The following SCAPER variants were observed in gnomAD, a reference collection of about 807,000 sequenced individuals.
The protein encoded by SCAPER is S phase cyclin A-associated protein in the endoplasmic reticulum.
Under a neutral mutation model 182.2 loss-of-function variants are expected in SCAPER, and 98 were observed. The ratio of observed to expected loss-of-function variants is 0.54; its 90% CI spans 0.46 to 0.64. SCAPER has a LOEUF of 0.64. SCAPER is among the 30% of genes least tolerant of loss of function. The probability of loss-of-function intolerance (pLI) is 0.00; values close to 1 mark genes in which losing one functional copy is unlikely to be tolerated. For missense variants in SCAPER, 1,432 were observed against 1,690.0 expected (o/e 0.85, Z 2.68); for synonymous variants, 605 against 564.6 (o/e 1.07, Z -1.01).
intron 27 of SCAPER, among the ~76,000 whole-genome samples, chr15:76,384,215 C>G (rs146497111): frequency 7.2e-5 from 11 of 152,212 alleles, no homozygotes; most frequent in Non-Finnish European, 4.4e-5. Flanking sequence ...GTTTTCAGAA[C>G]CTTGAGGATG....
intron 25 of SCAPER, among the ~76,000 whole-genome samples, chr15:76,445,805 T>G (rs185914720): frequency 1.3e-5 from 2 of 152,252 alleles, no homozygotes; most frequent in South Asian, 4.1e-4. Context: ...ACAGTCTCCA[T>G]GCACCCCGGG....
chr15:76,718,882 T>C (rs1297079535), intron 17 of SCAPER, among the ~76,000 whole-genome samples: 1 of 152,088 alleles, frequency 6.6e-6, no homozygotes, highest in Admixed American at 6.6e-5. Context: ...AGATGACTAT[T>C]ATCAAAAGGT....
At chr15:76,772,401 A>G (rs2063522783) in intron 9 of SCAPER, among the ~76,000 whole-genome samples, 1 of 151,962 alleles carries the variant, frequency 6.6e-6, no homozygotes, top group Non-Finnish European at 1.5e-5. Context: ...AAATCCTGAA[A>G]CCAATTTTTA....
chr15:76,629,192 T>C (rs1205687523), intron 21 of SCAPER, among the ~76,000 whole-genome samples: 4 of 152,254 alleles, frequency 2.6e-5, no homozygotes, highest in African/African-American at 7.2e-5. Flanking sequence ...TATAGGATCA[T>C]GTCATCTGCG....
intron 22 of SCAPER, among the ~76,000 whole-genome samples, chr15:76,619,907 C>T (rs921668498): frequency 6.6e-5 from 10 of 151,974 alleles, no homozygotes; most frequent in African/African-American, 2.2e-4. Flanking sequence ...GTAAAATTGT[C>T]TCTACTAAAA....
intron 10 of SCAPER, among the ~76,000 whole-genome samples, chr15:76,770,245 C>T (rs907814283): frequency 2.0e-5 from 3 of 151,490 alleles, no homozygotes; most frequent in Non-Finnish European, 4.4e-5. Flanking sequence ...AGGAAAAATA[C>T]CTAAAGTAAA....
intron 3 of SCAPER, among the ~76,000 whole-genome samples, chr15:76,860,047 C>T (rs2071749352): frequency 6.6e-6 from 1 of 152,126 alleles, no homozygotes; most frequent in Admixed American, 6.5e-5. Flanking sequence ...ACAATAGTCA[C>T]AAATGAAGCT....
intron 8 of SCAPER, among the ~76,000 whole-genome samples, chr15:76,783,787 G>T (rs906640859): frequency 1.3e-5 from 2 of 151,400 alleles, no homozygotes; most frequent in African/African-American, 4.8e-5. Flanking sequence ...GACAAAAACC[G>T]CAATTATCTC....
chr15:76,520,983 T>C (rs933001338), intron 23 of SCAPER, among the ~76,000 whole-genome samples: 3 of 152,156 alleles, frequency 2.0e-5, no homozygotes, highest in African/African-American at 7.2e-5. Flanking sequence ...ACAGATATAA[T>C]GAACTAAAAA....
chr15:76,428,226 C>CTG (rs2046579370), intron 26 of SCAPER, among the ~76,000 whole-genome samples: 1 of 152,154 alleles, frequency 6.6e-6, no homozygotes, highest in Non-Finnish European at 1.5e-5. Flanking sequence ...AATAGAACTA[C>CTG]TGTATGATCC....
intron 25 of SCAPER, among the ~76,000 whole-genome samples, chr15:76,468,523 T>C (rs538094468): frequency 2.6e-5 from 4 of 152,202 alleles, no homozygotes; most frequent in African/African-American, 9.6e-5. Flanking sequence ...AACTAGGCTT[T>C]CAAAGAAGAA....
In SCAPER at chr15:76,787,849, A is replaced by G. The variant is rs570822262; in HGVS notation, c.772+7431T>C. ...TGACAAAAGTATGATCTATTAAAAA[A>G]AAACTAATCAATCATACTTCATCAA... On this transcript the variant is annotated intron_variant, in intron 8 of 31. Coordinates refer to ENST00000563290, the MANE Select transcript of SCAPER (RefSeq NM_020843.4). Among the ~76,000 whole-genome samples, 3 of 152,374 alleles carry G rather than the reference A, an allele frequency of 2.0e-5. No individual in the cohort carries two copies. The East Asian group carries it at 5.8e-4, about 29-fold the overall frequency.
chr15:76,879,554 A>G lies in SCAPER; in HGVS notation c.6+4258T>C, dbSNP rs535262530. 4.6e-5 allele frequency among the ~76,000 whole-genome samples: 7 copies of G among 152,322 alleles called. 1 individual carries two copies. Among genetic ancestry groups the G allele is most frequent in the African/African-American group, 1.7e-4 (7 of 41,566 alleles). Reference sequence around the variant, plus strand: ...CTACTGCTAAGCATCTAGGGATCATAAAGACAGCAAGCCTTAAAATAATGG... The same window carrying G: ...CTACTGCTAAGCATCTAGGGATCATGAAGACAGCAAGCCTTAAAATAATGG... On this transcript the variant is annotated intron_variant, in intron 2 of 31. Transcript: ENST00000563290.
intron 2 of SCAPER, among the ~76,000 whole-genome samples, chr15:76,866,182 T>A (rs1238925086): frequency 6.6e-6 from 1 of 152,144 alleles, no homozygotes; most frequent in African/African-American, 2.4e-5. Flanking sequence ...TTTTCAGCTC[T>A]ACTTCAGATA....
chr15:76,555,566 AG>A lies in SCAPER; in HGVS notation c.2838+18591del, dbSNP rs2046131054. 5.3e-5 allele frequency among the ~76,000 whole-genome samples: 8 copies of A among 152,352 alleles called. No homozygotes were observed. The South Asian group carries it at 1.4e-3, about 28-fold the overall frequency. ...TCTACCAACCAAGCAAACAGAAAAC[AG>A]AAGAAAAAGCAGGGGTTGCTTTCTA... On this transcript the variant is annotated intron_variant, in intron 23 of 31. Coordinates refer to ENST00000563290, the MANE Select transcript of SCAPER (RefSeq NM_020843.4).
chr15:76,717,864 C>T (rs1473497672), intron 17 of SCAPER, among the ~76,000 whole-genome samples: 2 of 152,042 alleles, frequency 1.3e-5, no homozygotes, highest in East Asian at 1.9e-4. Flanking sequence ...TTCAATACCC[C>T]ACTGTCAACA....
At chr15:76,676,695 T>C (rs887722070) in intron 20 of SCAPER, among the ~76,000 whole-genome samples, 5 of 151,724 alleles carry the variant, frequency 3.3e-5, no homozygotes, top group African/African-American at 1.2e-4. Context: ...ACAATATTAA[T>C]TATATTAAAA....
intron 27 of SCAPER, among the ~76,000 whole-genome samples, chr15:76,394,489 G>A (rs1342308717): frequency 1.3e-5 from 2 of 152,178 alleles, no homozygotes; most frequent in Non-Finnish European, 2.9e-5. Flanking sequence ...TGAGAGACTG[G>A]TGATACCATA....
chr15:76,843,905 C>T (rs1210880768), intron 4 of SCAPER, among the ~76,000 whole-genome samples: 1 of 152,134 alleles, frequency 6.6e-6, no homozygotes, highest in Admixed American at 6.5e-5. Context: ...ATTGCACCAG[C>T]ATCTAACATT....
Sources: gnomAD v4.1 joint callset for allele counts (sites outside exome capture counted in the v4.1 genomes callset) on GRCh38, gnomAD v4.1.1 for gene constraint, MANE v1.5 for transcripts, NCBI Gene and HGNC (gene_info 2026-07-23, HGNC 2026-07-21) for gene names.